The following TTLL5 variants were observed in gnomAD, a reference collection of about 807,000 sequenced individuals.
TTLL5 encodes the protein tubulin tyrosine ligase like 5, also known as tubulin polyglutamylase TTLL5.
TTLL5 carries 132 observed loss-of-function variants against 168.4 expected under a neutral mutation model. The ratio of observed to expected loss-of-function variants is 0.78; its 90% CI spans 0.68 to 0.91. The LOEUF (loss-of-function observed/expected upper bound fraction) is 0.91, where lower values mean the gene tolerates loss of function less well. Ranked by LOEUF, TTLL5 falls within the 40% of genes least tolerant of loss-of-function variation. The pLI is 0.00. For synonymous variants in TTLL5, 546 were observed against 558.6 expected, an observed-to-expected ratio of 0.98 and a Z score of 0.32; for missense variants, 1,545 against 1,581.5, an observed-to-expected ratio of 0.98 and a Z score of 0.39.
chr14:75,882,081 C>A (rs767714777), intron 29 of TTLL5, among the ~76,000 whole-genome samples: 5 of 152,088 alleles, frequency 3.3e-5, no homozygotes, highest in Non-Finnish European at 7.4e-5. Context: ...TTATGTTAAT[C>A]TTTAGGTCAA....
At chr14:75,899,990 C>T (rs2032850802) in intron 30 of TTLL5, among the ~76,000 whole-genome samples, 1 of 150,186 alleles carries the variant, frequency 6.7e-6, no homozygotes, top group Non-Finnish European at 1.5e-5. Flanking sequence ...TTGAGACCAG[C>T]CCAGGGCTTT....
At chr14:75,801,727 G>C (rs1425551070) in intron 27 of TTLL5, among the ~76,000 whole-genome samples, 1 of 151,992 alleles carries the variant, frequency 6.6e-6, no homozygotes, top group East Asian at 1.9e-4. Flanking sequence ...TTCTTTTTCT[G>C]GTAAATAACT....
intron 31 of TTLL5, among the ~76,000 whole-genome samples, chr14:75,931,530 G>C (rs970564879): frequency 1.3e-5 from 2 of 152,050 alleles, no homozygotes; most frequent in Non-Finnish European, 2.9e-5. Context: ...TTTCCAGACG[G>C]ATCTCTTCAT....
At chr14:75,748,161 A>C (rs531926271) in intron 17 of TTLL5, among the ~76,000 whole-genome samples, 2 of 152,230 alleles carry the variant, frequency 1.3e-5, no homozygotes, top group South Asian at 4.1e-4. Context: ...CAGTTATTTC[A>C]AATAACTTGT....
rs754559189 is a variant in TTLL5 at position 75,766,057 on chromosome 14, T to G, written c.1709-5T>G. 3.1e-6 allele frequency: 5 copies of G among 1,606,800 alleles called. No homozygotes were observed. In the South Asian group the frequency reaches 4.4e-5, roughly 14 times the overall value. On this transcript the variant is annotated splice_region_variant and splice_polypyrimidine_tract_variant and intron_variant, in intron 19 of 31. Transcript: ENST00000298832. ...TCAGCAACATTAGTGATTCTTCGTA[T>G]TTAGTGATTACCCAACCAGCTGAAA...
intron 12 of TTLL5, among the ~76,000 whole-genome samples, chr14:75,731,420 CACAG>C (rs939297477): frequency 7.9e-6 from 1 of 126,654 alleles, no homozygotes; most frequent in Non-Finnish European, 1.7e-5. Context: ...CACACACACA[CACAG>C]GACTGTACAT....
At chr14:75,906,233 A>G (rs549842279) in intron 31 of TTLL5, among the ~76,000 whole-genome samples, 2 of 152,286 alleles carry the variant, frequency 1.3e-5, no homozygotes, top group Admixed American at 1.3e-4. Flanking sequence ...GCCTATTTTC[A>G]TGATCAGATT....
intron 31 of TTLL5, chr14:75,906,692 A>G (rs1018395755): frequency 7.1e-6 from 7 of 985,772 alleles, no homozygotes; most frequent in Non-Finnish European, 8.4e-6. Flanking sequence ...CGGTAAGAAT[A>G]AGAGCATATT....
At chr14:75,740,147 A>C (rs374245809) in intron 15 of TTLL5, among the ~76,000 whole-genome samples, 2 of 152,316 alleles carry the variant, frequency 1.3e-5, no homozygotes, top group Admixed American at 6.5e-5. Flanking sequence ...AATTTTGTGA[A>C]ATTTTCTCAA....
At chr14:75,705,283 G>A (rs776624191) in intron 7 of TTLL5, among the ~76,000 whole-genome samples, 38 of 152,198 alleles carry the variant, frequency 2.5e-4, no homozygotes, top group Non-Finnish European at 4.6e-4. Context: ...AGTGGGAACT[G>A]AGAGAGGACT....
intron 31 of TTLL5, among the ~76,000 whole-genome samples, chr14:75,934,264 A>G (rs1158479163): frequency 6.6e-6 from 1 of 152,222 alleles, no homozygotes; most frequent in Non-Finnish European, 1.5e-5. Flanking sequence ...TATGCCTTCC[A>G]GGAGGAGGAG....
At chr14:75,930,943 G>A (rs1341873992) in intron 31 of TTLL5, among the ~76,000 whole-genome samples, 2 of 152,046 alleles carry the variant, frequency 1.3e-5, no homozygotes, top group Admixed American at 6.6e-5. Flanking sequence ...CCTTTCTACC[G>A]CTCTAGCTGT....
At chr14:75,951,963 C>T (rs1346831050) in intron 31 of TTLL5, among the ~76,000 whole-genome samples, 1 of 152,082 alleles carries the variant, frequency 6.6e-6, no homozygotes, top group Non-Finnish European at 1.5e-5. Flanking sequence ...TTTAAAATTT[C>T]CTGCTTCAAA....
chr14:75,917,117 T>A (rs1240144967), intron 31 of TTLL5, among the ~76,000 whole-genome samples: 4 of 152,204 alleles, frequency 2.6e-5, no homozygotes, highest in Non-Finnish European at 4.4e-5. Flanking sequence ...GATGGGATGG[T>A]CGTGCAGCGT....
chr14:75,828,279 C>T (rs890439980), intron 28 of TTLL5, among the ~76,000 whole-genome samples: 1 of 152,156 alleles, frequency 6.6e-6, no homozygotes, highest in Non-Finnish European at 1.5e-5. Context: ...CTTCCATCAT[C>T]TGCCACCCCT....
At chr14:75,797,593 T>A (rs773147539) in intron 27 of TTLL5, among the ~76,000 whole-genome samples, 1 of 152,136 alleles carries the variant, frequency 6.6e-6, no homozygotes, top group Non-Finnish European at 1.5e-5. Flanking sequence ...GTCCATTTTA[T>A]GCCAATTTTG....
chr14:75,946,903 G>A (rs573461418), intron 31 of TTLL5, among the ~76,000 whole-genome samples: 19 of 152,340 alleles, frequency 1.2e-4, no homozygotes, highest in African/African-American at 3.8e-4. Context: ...AGGGAACAGC[G>A]GGAGCTCATG....
chr14:75,745,294 C>A, intron 16 of TTLL5, 86 bp downstream of exon 16: 2 of 1,343,540 alleles, frequency 1.5e-6, no homozygotes, highest in Non-Finnish European at 2.1e-6. Context: ...TCATGACAAA[C>A]TCATGTCTTA....
chr14:75,740,927 T>G (rs1889221815), intron 15 of TTLL5, among the ~76,000 whole-genome samples: 1 of 152,194 alleles, frequency 6.6e-6, no homozygotes, highest in Non-Finnish European at 1.5e-5. Flanking sequence ...GCAAATTTTG[T>G]TTTTGCCCCT....
Sources: gnomAD v4.1 joint callset for allele counts (sites outside exome capture counted in the v4.1 genomes callset) on GRCh38, gnomAD v4.1.1 for gene constraint, MANE v1.5 for transcripts, NCBI Gene and HGNC (gene_info 2026-07-23, HGNC 2026-07-21) for gene names.